The following WDR31 variants were observed in gnomAD, a reference collection of about 807,000 sequenced individuals.
WDR31 encodes the protein WD repeat-containing protein 31.
WDR31 carries 30 observed loss-of-function variants against 47.3 expected under a neutral mutation model. The ratio of observed to expected loss-of-function variants is 0.63; its 90% CI spans 0.47 to 0.86. The LOEUF is 0.86. Ranked by LOEUF, WDR31 falls within the 40% of genes least tolerant of loss-of-function variation. The pLI is 0.00. For synonymous variants in WDR31, 137 were observed against 159.4 expected (o/e 0.86, Z 1.06); for missense variants, 406 against 442.9 (o/e 0.92, Z 0.75).
rs560110204 is a variant in WDR31, at chr9:113,320,604, T to C, written c.639-106A>G. 3,265 of 1,399,560 alleles carry C rather than the reference T, an allele frequency of 2.3e-3. 7 individuals are homozygous for C. Among genetic ancestry groups the C allele is most frequent in the Non-Finnish European group, 3.0e-3 (3,084 of 1,038,890 alleles). 86.7% of individuals were successfully genotyped at this position (1,399,560 alleles called of 1,614,324 possible). On this transcript the variant is annotated intron_variant, in intron 8 of 10. Transcript: ENST00000374193. ...CTTGGCTCTTTGCTGCATAGGCCAG[T>C]CAGATTGGAATGGCATGATTTACCT...
Position 113,313,556 on chromosome 9 carries a change from C to T in WDR31, c.*3193G>A, listed in dbSNP as rs1833121903. The T allele has an allele frequency of 6.6e-6, 1 of 152,228 alleles. No individual in the cohort carries two copies. Among genetic ancestry groups the T allele is most frequent in the Non-Finnish European group, 1.5e-5 (1 of 68,044 alleles). The allele number at this position is 152,228 out of a possible 1,614,324, so 9.4% of individuals were successfully genotyped here. A position where few individuals can be genotyped will look rare whatever the true frequency, so the allele number is the denominator to read the frequency against. ...AATGTCATGGTCTATGACTTTGTGACACGATGCAAAGGAAAGCGTTTGGGC... is the reference window on the plus strand; with the variant it reads ...AATGTCATGGTCTATGACTTTGTGATACGATGCAAAGGAAAGCGTTTGGGC... On this transcript the variant is annotated 3_prime_UTR_variant, in exon 11 of 11. Transcript: ENST00000374193.
At chr9:113,321,994 G>T (rs141258343) in intron 7 of WDR31, among the ~76,000 whole-genome samples, 1 of 152,056 alleles carries the variant, frequency 6.6e-6, no homozygotes, top group African/African-American at 2.4e-5. Context: ...AAAATAACCC[G>T]AAATAACAGG....
Position 113,320,404 on chromosome 9 carries a change from A to T in WDR31, c.733T>A (p.Cys245Ser). 1 of 1,614,208 alleles carries T rather than the reference A, an allele frequency of 6.2e-7. No homozygotes were observed. The highest frequency in any genetic ancestry group is 1.1e-5 in the South Asian group (1 of 91,082). The change falls in exon 9 of 11, where the codon TGT (cysteine) becomes AGT (serine). Residue 245 changes from cysteine (C) to serine (S), a missense_variant. By Grantham distance (112) the Cys-to-Ser change is moderately radical (BLOSUM62 -1). Coordinates refer to ENST00000374193, the MANE Select transcript of WDR31 (RefSeq NM_001012361.4). ...CCAAAGCCATTGCTGCAGGAGATAC[A>T]CTTGTGTCCATCCACACTGACTTCA... ...YCEVSVDGHK[C>S]ISCSNGFGGE...
chr9:113,320,315 T>C (rs748943093), intron 9 of WDR31, 42 bp downstream of exon 9: 28 of 1,608,168 alleles, frequency 1.7e-5, no homozygotes, highest in Non-Finnish European at 2.1e-5. Context: ...AAGTGATCTG[T>C]TCATCAGCAA....
intron 3 of WDR31, among the ~76,000 whole-genome samples, 157 bp from the exon 4 acceptor site, chr9:113,331,273 T>C (rs999579787): frequency 1.3e-5 from 2 of 152,100 alleles, no homozygotes; most frequent in Non-Finnish European, 2.9e-5. Flanking sequence ...CCCATTTACA[T>C]TGTCAGCAAT....
intron 4 of WDR31, among the ~76,000 whole-genome samples, chr9:113,329,567 G>C (rs1833549184): frequency 6.6e-6 from 1 of 151,954 alleles, no homozygotes; most frequent in South Asian, 2.1e-4. Context: ...TTGAACCTGG[G>C]AGGTGGAGAT....
chr9:113,331,575 T>C (rs1182008278), intron 3 of WDR31, among the ~76,000 whole-genome samples: 5 of 152,218 alleles, frequency 3.3e-5, no homozygotes, highest in Non-Finnish European at 7.3e-5. Flanking sequence ...GCCTCCCAAG[T>C]AGCTGGGACT....
rs1181353353 is a variant in WDR31, at chr9:113,333,778, G to A, written c.-28-1728C>T. On this transcript the variant is annotated intron_variant, in intron 2 of 10. Transcript: ENST00000374193. ...GATGCTAGAAATAATGCCACTAAATGAGACAATGTAGGTAATGACCTAGAC... is the reference window on the plus strand; with the variant it reads ...GATGCTAGAAATAATGCCACTAAATAAGACAATGTAGGTAATGACCTAGAC... 2.6e-5 allele frequency among the ~76,000 whole-genome samples: 4 copies of A among 151,992 alleles called. No homozygotes were observed. In the East Asian group the frequency reaches 7.7e-4, roughly 29 times the overall value.
chr9:113,334,846 A>C (rs1459761001), intron 2 of WDR31, among the ~76,000 whole-genome samples: 1 of 151,608 alleles, frequency 6.6e-6, no homozygotes, highest in Non-Finnish European at 1.5e-5. Flanking sequence ...GGCATGAGCC[A>C]CCGCACCTGG....
intron 5 of WDR31, among the ~76,000 whole-genome samples, chr9:113,323,757 C>G (rs1192625000): frequency 1.3e-5 from 2 of 152,208 alleles, no homozygotes; most frequent in Non-Finnish European, 2.9e-5. Flanking sequence ...TGTATCCCCT[C>G]TTGGGCTTCC....
Position 113,328,970 on chromosome 9 carries a change from G to T in WDR31, c.250-15C>A. 1 of 1,609,216 alleles carries T rather than the reference G, an allele frequency of 6.2e-7. No individual in the cohort carries two copies. The highest frequency in any genetic ancestry group is 8.5e-7 in the Non-Finnish European group (1 of 1,175,708). ...GCCACAACTGTCTGAAGAGAGTGAA[G>T]ATTGTAGTTTCATTACTCAATTCTT... On this transcript the variant is annotated splice_polypyrimidine_tract_variant and intron_variant, in intron 4 of 10. Coordinates refer to ENST00000374193, the MANE Select transcript of WDR31 (RefSeq NM_001012361.4).
In WDR31 at chr9:113,323,043, G is replaced by C; in HGVS notation, c.437C>G (p.Ala146Gly). 1 of 1,614,164 alleles carries C rather than the reference G, an allele frequency of 6.2e-7. No homozygotes were observed. The highest frequency in any genetic ancestry group is 8.5e-7 in the Non-Finnish European group (1 of 1,180,020). ...CACAGCCAATCCGGTGACCACCATG[G>C]CATGGCCACACAATTGCTGCCTTGG... Reference protein sequence around the residue: ...SQPRQQLCGHAMVVTGLAVSP... With the variant: ...SQPRQQLCGHGMVVTGLAVSP... Residue 146 changes from alanine to glycine, a missense_variant, in exon 6 of 11, where the codon GCC becomes GGC. Coordinates refer to ENST00000374193, the MANE Select transcript of WDR31 (RefSeq NM_001012361.4).
In WDR31 at chr9:113,320,535, A is replaced by T. The variant is rs778482770; in HGVS notation, c.639-37T>A. 8.7e-6 allele frequency: 14 copies of T among 1,603,648 alleles called. No individual in the cohort carries two copies. In the Admixed American group the frequency reaches 1.5e-4, roughly 17 times the overall value. ...TAGGGCAGGAAATTAGCTTGTAGTAAATGTGGCTGAAATACACCCGTATTG... is the reference window on the plus strand; with the variant it reads ...TAGGGCAGGAAATTAGCTTGTAGTATATGTGGCTGAAATACACCCGTATTG... On this transcript the variant is annotated intron_variant, in intron 8 of 10. Coordinates refer to ENST00000374193, the MANE Select transcript of WDR31 (RefSeq NM_001012361.4).
rs1428427828 is a variant in WDR31 at position 113,331,068 on chromosome 9, T to C, written c.165A>G (p.Gln55=). The change falls in exon 4 of 11, where the codon CAA becomes CAG. Residue 55 remains glutamine (Q), a synonymous_variant. Transcript: ENST00000374193. ...TATCCATGTGAGCTGGGCTATACTC[T>C]TGAAAAGCTTTAGTTTGAATTCTCT... ...IEERIQTKAF[Q]EYSPAHMDTV... 11 of 1,608,044 alleles carry C rather than the reference T, an allele frequency of 6.8e-6. No individual in the cohort carries two copies. Among genetic ancestry groups the C allele is most frequent in the African/African-American group, 1.3e-5 (1 of 74,712 alleles).
chr9:113,327,695 C>T (rs1250408191), intron 5 of WDR31, among the ~76,000 whole-genome samples: 1 of 151,170 alleles, frequency 6.6e-6, no homozygotes, highest in African/African-American at 2.4e-5. Flanking sequence ...CTTGCTATGT[C>T]CCAGGCTGGT....
chr9:113,327,597 G>A (rs905782447), intron 5 of WDR31, among the ~76,000 whole-genome samples: 1 of 152,174 alleles, frequency 6.6e-6, no homozygotes, highest in Non-Finnish European at 1.5e-5. Context: ...AATATTGATG[G>A]CTGATTATGT....
At chr9:113,330,149 G>A (rs1588047660) in intron 4 of WDR31, among the ~76,000 whole-genome samples, 1 of 152,062 alleles carries the variant, frequency 6.6e-6, no homozygotes, top group Non-Finnish European at 1.5e-5. Flanking sequence ...CACCCAGGCT[G>A]GAGGACAGTG....
chr9:113,329,528 T>A (rs1382488987), intron 4 of WDR31, among the ~76,000 whole-genome samples: 1 of 150,260 alleles, frequency 6.7e-6, no homozygotes, highest in African/African-American at 2.5e-5. Context: ...TAATCCCAGC[T>A]ACTAAGGAGG....
At chr9:113,334,131 G>C (rs1833664373) in intron 2 of WDR31, among the ~76,000 whole-genome samples, 1 of 151,898 alleles carries the variant, frequency 6.6e-6, no homozygotes, top group Non-Finnish European at 1.5e-5. Context: ...AGCCTCCCAG[G>C]GAGCTGGGAC....
Sources: allele counts gnomAD v4.1 joint callset (sites outside exome capture counted in the v4.1 genomes callset), GRCh38; gene constraint gnomAD v4.1.1; transcripts MANE v1.5; gene names NCBI Gene and HGNC (gene_info 2026-07-23, HGNC 2026-07-21).